The following EPHA5 variants were observed in gnomAD, a reference collection of about 807,000 sequenced individuals.
EPHA5 encodes the protein ephrin type-A receptor 5.
A neutral mutation model predicts 105.0 loss-of-function variants in EPHA5; 60 were observed. The observed-to-expected ratio is 0.57, with a 90% CI of 0.46 to 0.71. EPHA5 has a LOEUF of 0.71. Among genes scored for constraint, EPHA5 ranks in the 30% least tolerant of loss-of-function variants. The pLI is 0.00. For missense variants in EPHA5, 1,218 were observed against 1,274.7 expected (o/e 0.96, Z 0.68); for synonymous variants, 513 against 449.1 (o/e 1.14, Z -1.80).
intron 5 of EPHA5, among the ~76,000 whole-genome samples, chr4:65,453,381 G>A (rs1727251918): frequency 6.6e-6 from 1 of 152,062 alleles, no homozygotes; most frequent in Non-Finnish European, 1.5e-5. Context: ...CAACTCTTTA[G>A]GTCAATGAAA....
chr4:65,660,861 A>C (rs1445224183), intron 1 of EPHA5, among the ~76,000 whole-genome samples: 1 of 152,098 alleles, frequency 6.6e-6, no homozygotes, highest in Non-Finnish European at 1.5e-5. Context: ...TAAACTTGCA[A>C]AGTAGAATAT....
intron 5 of EPHA5, among the ~76,000 whole-genome samples, chr4:65,454,341 C>T (rs1727367084): frequency 6.6e-6 from 1 of 151,804 alleles, no homozygotes; most frequent in Non-Finnish European, 1.5e-5. Context: ...ATGCAATGGT[C>T]CTCAGCAAAT....
chr4:65,540,431 T>A (rs548371113), intron 3 of EPHA5, among the ~76,000 whole-genome samples: 1 of 151,470 alleles, frequency 6.6e-6, no homozygotes, highest in East Asian at 1.9e-4. Flanking sequence ...CTCCCTTAAG[T>A]TTGGTGCTCA....
intron 3 of EPHA5, 31 bp downstream of exon 3, chr4:65,601,610 A>C: frequency 2.5e-6 from 4 of 1,595,532 alleles, no homozygotes; most frequent in Non-Finnish European, 3.4e-6. Context: ...TGAAGCAGAC[A>C]GCCCCTGCAG....
intron 8 of EPHA5, among the ~76,000 whole-genome samples, chr4:65,376,651 G>T (rs1719035990): frequency 1.3e-5 from 2 of 151,968 alleles, no homozygotes; most frequent in Non-Finnish European, 1.5e-5. Context: ...CTTGACAGAA[G>T]TAGCATTCTA....
chr4:65,638,829 C>A (rs1358547545), intron 2 of EPHA5, among the ~76,000 whole-genome samples: 1 of 152,178 alleles, frequency 6.6e-6, no homozygotes, highest in East Asian at 1.9e-4. Context: ...CAGGGACCCT[C>A]CTCTTACCCA....
intron 5 of EPHA5, among the ~76,000 whole-genome samples, chr4:65,489,050 TA>T (rs1330218711): frequency 6.8e-6 from 1 of 148,014 alleles, no homozygotes; most frequent in Non-Finnish European, 1.5e-5. Context: ...CATGCCCGGC[TA>T]ATTTTTTTTA....
At chr4:65,584,985 G>A (rs1295835966) in intron 3 of EPHA5, among the ~76,000 whole-genome samples, 1 of 151,878 alleles carries the variant, frequency 6.6e-6, no homozygotes, top group East Asian at 1.9e-4. Context: ...TGACATAGTA[G>A]TTAAGAGCAG....
chr4:65,548,225 A>T (rs1737572696), intron 3 of EPHA5, among the ~76,000 whole-genome samples: 1 of 146,636 alleles, frequency 6.8e-6, no homozygotes, highest in Admixed American at 6.8e-5. Flanking sequence ...GAAAAATGCA[A>T]GAATAAGATT....
intron 3 of EPHA5, among the ~76,000 whole-genome samples, chr4:65,514,296 C>T (rs1733899074): frequency 6.6e-6 from 1 of 152,150 alleles, no homozygotes; most frequent in East Asian, 1.9e-4. Context: ...GATCCTCTGT[C>T]CCCTGAATCT....
intron 3 of EPHA5, among the ~76,000 whole-genome samples, chr4:65,530,923 T>A (rs1220028699): frequency 6.6e-6 from 1 of 152,204 alleles, no homozygotes; most frequent in Non-Finnish European, 1.5e-5. Flanking sequence ...TTCAATGAGA[T>A]ATAAGTGAAA....
In EPHA5 at chr4:65,322,208, G is replaced by T. The variant is rs967807284; in HGVS notation, c.*1906C>A. The T allele has an allele frequency of 2.2e-5, 5 of 223,970 alleles. No homozygotes were observed. The highest frequency in any genetic ancestry group is 8.9e-5 in the African/African-American group (4 of 44,780). The allele number at this position is 223,970 out of a possible 1,614,324, so 13.9% of individuals were successfully genotyped here. A position where few individuals can be genotyped will look rare whatever the true frequency, so the allele number is the denominator to read the frequency against. On this transcript the variant is annotated 3_prime_UTR_variant, in exon 17 of 17. Coordinates refer to ENST00000613740, the MANE Select transcript of EPHA5 (RefSeq NM_001281766.3). ...GAATGTATTATTTGAAAACTGTTTA[G>T]ATTTTTGTTGTGGTTATTTTGATGT...
chr4:65,528,235 T>C (rs934939242), intron 3 of EPHA5, among the ~76,000 whole-genome samples: 1 of 152,126 alleles, frequency 6.6e-6, no homozygotes, highest in Admixed American at 6.6e-5. Flanking sequence ...GGCAAAACCA[T>C]AGGTGCTCTG....
At chr4:65,404,102 T>A (rs1006330094) in intron 8 of EPHA5, among the ~76,000 whole-genome samples, 2 of 152,162 alleles carry the variant, frequency 1.3e-5, no homozygotes, top group Admixed American at 1.3e-4. Context: ...ATATGTGTCA[T>A]ATAAAGAGAT....
chr4:65,448,661 CA>C (rs1403592149), intron 5 of EPHA5, among the ~76,000 whole-genome samples: 1 of 151,890 alleles, frequency 6.6e-6, no homozygotes, highest in Non-Finnish European at 1.5e-5. Context: ...AACATAGAAA[CA>C]AACAACAACA....
intron 2 of EPHA5, among the ~76,000 whole-genome samples, chr4:65,613,942 A>G (rs1578582611): frequency 6.6e-6 from 1 of 151,982 alleles, no homozygotes; most frequent in Admixed American, 6.5e-5. Context: ...AGAATTTTTT[A>G]TCTATCAACA....
intron 8 of EPHA5, among the ~76,000 whole-genome samples, chr4:65,403,013 CTG>C (rs144701894): frequency 0.37 from 56,847 of 151,646 alleles, 12,228 homozygotes; most frequent in South Asian, 0.49. Context: ...AGAACACAAA[CTG>C]TCCCCTAGGC....
At chr4:65,668,520 T>A (rs1281909491) in intron 1 of EPHA5, among the ~76,000 whole-genome samples, 1 of 152,160 alleles carries the variant, frequency 6.6e-6, no homozygotes, top group Non-Finnish European at 1.5e-5. Context: ...GCCCTTGGGC[T>A]GAGACCCGAG....
chr4:65,552,111 A>G (rs1422119146), intron 3 of EPHA5, among the ~76,000 whole-genome samples: 1 of 152,200 alleles, frequency 6.6e-6, no homozygotes, highest in Non-Finnish European at 1.5e-5. Context: ...AATATTACTA[A>G]TAAAGCTGTC....
Sources: allele counts gnomAD v4.1 joint callset (sites outside exome capture counted in the v4.1 genomes callset), GRCh38; gene constraint gnomAD v4.1.1; transcripts MANE v1.5; gene names NCBI Gene and HGNC (gene_info 2026-07-23, HGNC 2026-07-21).